The following DAB1 variants were observed in gnomAD, a reference collection of about 807,000 sequenced individuals.
DAB1 encodes the protein disabled homolog 1.
A neutral mutation model predicts 64.6 loss-of-function variants in DAB1; 15 were observed. That is an observed-to-expected ratio of 0.23 (90% CI 0.16 to 0.36). The LOEUF (loss-of-function observed/expected upper bound fraction) is 0.36. Among genes scored for constraint, DAB1 ranks in the 10% least tolerant of loss-of-function variants. DAB1 has a pLI of 1.00. For missense variants in DAB1, 596 were observed against 706.7 expected (o/e 0.84, Z 1.78); for synonymous variants, 235 against 251.9 (o/e 0.93, Z 0.64).
intron 5 of DAB1, among the ~76,000 whole-genome samples, chr1:57,916,880 T>C (rs572047992): frequency 3.3e-5 from 5 of 152,032 alleles, no homozygotes; most frequent in African/African-American, 9.6e-5. Context: ...GAGGCGGAGA[T>C]TGCAGTGAGC....
intron 2 of DAB1, among the ~76,000 whole-genome samples, chr1:57,159,077 G>A (rs142109566): frequency 2.6e-5 from 4 of 152,216 alleles, no homozygotes; most frequent in Non-Finnish European, 4.4e-5. Context: ...AAGACAGGAC[G>A]CTTGTGGGAC....
At chr1:58,215,221 C>T (rs1195547902) in intron 4 of DAB1, among the ~76,000 whole-genome samples, 2 of 152,060 alleles carry the variant, frequency 1.3e-5, no homozygotes, top group Non-Finnish European at 2.9e-5. Flanking sequence ...CAACTCTGGG[C>T]CTCTGTCTTT....
At chr1:57,052,640 G>A (rs565218622) in intron 9 of DAB1, among the ~76,000 whole-genome samples, 1 of 152,294 alleles carries the variant, frequency 6.6e-6, no homozygotes, top group African/African-American at 2.4e-5. Flanking sequence ...CATGGTAGCT[G>A]AGATACTGGG....
At chr1:57,832,539 A>T (rs1020945423) in intron 1 of DAB1, among the ~76,000 whole-genome samples, 1 of 152,184 alleles carries the variant, frequency 6.6e-6, no homozygotes, top group African/African-American at 2.4e-5. Flanking sequence ...TTTTAGTCAG[A>T]TACTTATTTC....
intron 5 of DAB1, among the ~76,000 whole-genome samples, chr1:57,896,242 T>G (rs1644389860): frequency 6.6e-6 from 1 of 152,110 alleles, no homozygotes; most frequent in African/African-American, 2.4e-5. Flanking sequence ...ATCACTATCG[T>G]GTACATCACA....
rs554422307 is a variant in DAB1 at position 57,157,206 on chromosome 1, AT to A, written c.68-11778del. Among the ~76,000 whole-genome samples the A allele has an allele frequency of 1.5e-3, 231 of 151,572 alleles. 1 individual carries two copies. Among genetic ancestry groups the A allele is most frequent in the Non-Finnish European group, 2.7e-3 (182 of 67,862 alleles). On this transcript the variant is annotated intron_variant, in intron 2 of 14. Transcript: ENST00000371236. ...TATAATAAGCACAGCCAAGATAAGT[AT>A]TTTTTTTTCCTAATGTGGTCATTCT...
At chr1:57,411,870 C>A (rs914807101) in intron 1 of DAB1, among the ~76,000 whole-genome samples, 2 of 152,204 alleles carry the variant, frequency 1.3e-5, no homozygotes, top group African/African-American at 4.8e-5. Flanking sequence ...GCACCTAGTA[C>A]AGACATACCT....
At chr1:58,281,184 A>G (rs1222942975) in intron 4 of DAB1, among the ~76,000 whole-genome samples, 1 of 152,192 alleles carries the variant, frequency 6.6e-6, no homozygotes, top group Non-Finnish European at 1.5e-5. Flanking sequence ...AGAGCAAAGG[A>G]TAGACATTTT....
chr1:57,394,825 T>C (rs1021956926), intron 1 of DAB1, among the ~76,000 whole-genome samples: 1 of 152,170 alleles, frequency 6.6e-6, no homozygotes, highest in Non-Finnish European at 1.5e-5. Context: ...CCCAAACTTA[T>C]TTGACCAAAG....
chr1:58,491,313 C>T (rs1475530561), intron 3 of DAB1, among the ~76,000 whole-genome samples: 9 of 152,078 alleles, frequency 5.9e-5, no homozygotes, highest in Admixed American at 4.6e-4. Context: ...CAAAAACATG[C>T]CAAATTGTAA....
intron 3 of DAB1, among the ~76,000 whole-genome samples, chr1:58,490,632 CA>C (rs1171919620): frequency 6.6e-6 from 1 of 151,872 alleles, no homozygotes; most frequent in Non-Finnish European, 1.5e-5. Context: ...CTCCAAGACA[CA>C]TAATTGTCAG....
chr1:57,560,636 A>T (rs769798227), intron 7 of DAB1, among the ~76,000 whole-genome samples: 5 of 152,164 alleles, frequency 3.3e-5, no homozygotes, highest in Non-Finnish European at 5.9e-5. Flanking sequence ...GCCAGTTTTG[A>T]GTAGGGTCCA....
At position 57,051,241 on chromosome 1, in the gene DAB1, A is replaced by G. The variant is rs577675346; in HGVS notation, c.723+11643T>C. Among the ~76,000 whole-genome samples, 4 of 152,172 alleles carry G rather than the reference A, an allele frequency of 2.6e-5. No individual in the cohort carries two copies. The East Asian group carries it at 7.7e-4, about 29-fold the overall frequency. On this transcript the variant is annotated intron_variant, in intron 9 of 14. Coordinates refer to ENST00000371236, the MANE Select transcript of DAB1 (RefSeq NM_001365792.1). ...AATTCCCTTCCCTCACTTCAGTACAACCTCCTCTTGTGTGACATCTATGTT... is the reference window on the plus strand; with the variant it reads ...AATTCCCTTCCCTCACTTCAGTACAGCCTCCTCTTGTGTGACATCTATGTT...
chr1:58,474,646 A>C (rs1178604126), intron 3 of DAB1, among the ~76,000 whole-genome samples: 2 of 152,174 alleles, frequency 1.3e-5, no homozygotes, highest in East Asian at 3.9e-4. Flanking sequence ...GCTGGTGTTG[A>C]GCGATGAGAT....
intron 5 of DAB1, among the ~76,000 whole-genome samples, chr1:58,062,559 G>C (rs1215534167): frequency 1.3e-5 from 2 of 152,146 alleles, no homozygotes; most frequent in Non-Finnish European, 2.9e-5. Context: ...TTGCTGCTCT[G>C]CTGCTCCACA....
At chr1:58,440,369 C>A (rs1243171972) in intron 3 of DAB1, among the ~76,000 whole-genome samples, 2 of 152,124 alleles carry the variant, frequency 1.3e-5, no homozygotes, top group Non-Finnish European at 2.9e-5. Flanking sequence ...AGCAGGAGGG[C>A]CATATTAATA....
intron 6 of DAB1, among the ~76,000 whole-genome samples, chr1:57,710,031 G>C (rs1647009836): frequency 6.6e-6 from 1 of 152,090 alleles, no homozygotes; most frequent in South Asian, 2.1e-4. Context: ...TATTAAAAGG[G>C]AAGCCTTGCG....
chr1:57,987,393 T>C (rs763319581), intron 5 of DAB1, among the ~76,000 whole-genome samples: 1 of 152,146 alleles, frequency 6.6e-6, no homozygotes, highest in Non-Finnish European at 1.5e-5. Flanking sequence ...ACCACGATGT[T>C]ATGAAGGTAG....
intron 4 of DAB1, among the ~76,000 whole-genome samples, chr1:58,167,675 T>A (rs1001604644): frequency 5.9e-5 from 9 of 152,202 alleles, no homozygotes; most frequent in Non-Finnish European, 1.3e-4. Flanking sequence ...TTTTATGAGC[T>A]GTAACACTCA....
Sources: allele counts gnomAD v4.1 joint callset (sites outside exome capture counted in the v4.1 genomes callset), GRCh38; gene constraint gnomAD v4.1.1; transcripts MANE v1.5; gene names NCBI Gene and HGNC (gene_info 2026-07-23, HGNC 2026-07-21).